JAKMIP1: variants seen among roughly 807,000 people sequenced by gnomAD.
JAKMIP1 encodes janus kinase and microtubule-interacting protein 1.
A neutral mutation model predicts 113.0 loss-of-function variants in JAKMIP1; 33 were observed. The ratio of observed to expected loss-of-function variants is 0.29; its 90% confidence interval spans 0.22 to 0.39. The LOEUF is 0.39. Among genes scored for constraint, JAKMIP1 ranks in the 10% least tolerant of loss-of-function variants. JAKMIP1 has a pLI of 1.00. For synonymous variants in JAKMIP1, 480 were observed against 459.9 expected (o/e 1.04, Z -0.56); for missense variants, 813 against 1,080.5 (o/e 0.75, Z 3.47).
chr4:6,033,390 G>C (rs1187297685), intron 19 of JAKMIP1, among the ~76,000 whole-genome samples: 1 of 152,182 alleles, frequency 6.6e-6, no homozygotes, highest in Non-Finnish European at 1.5e-5. Context: ...TTGAATACAT[G>C]AGTGTTAGGG....
chr4:6,177,943 C>T (rs896923799), intron 1 of JAKMIP1, among the ~76,000 whole-genome samples: 1 of 152,210 alleles, frequency 6.6e-6, no homozygotes, highest in Non-Finnish European at 1.5e-5. Flanking sequence ...GTGAGATTAA[C>T]CCTAACCACT....
intron 9 of JAKMIP1, among the ~76,000 whole-genome samples, chr4:6,063,272 G>A (rs1717574238): frequency 6.6e-6 from 1 of 152,238 alleles, no homozygotes; most frequent in Non-Finnish European, 1.5e-5. Context: ...CCATGGGAAA[G>A]CCCCACATGG....
At position 6,116,112 on chromosome 4, in the gene JAKMIP1, G is replaced by A. The variant is rs1715732900; in HGVS notation, c.-147-3115C>T. 6.6e-6 allele frequency among the ~76,000 whole-genome samples: 1 copy of A among 152,096 alleles called. No individual in the cohort carries two copies. The highest frequency in any genetic ancestry group is 1.5e-5 in the Non-Finnish European group (1 of 68,010). On this transcript the variant is annotated intron_variant, in intron 1 of 20. Coordinates refer to ENST00000409021, the MANE Select transcript of JAKMIP1 (RefSeq NM_001099433.2). This position sits in a 1 kb window ranked among gnomAD's most constrained non-coding sequence, Gnocchi z 5.1. ...TGGAGACGAATGGAGTGCAGGAGGG[G>A]AAGATGTCCAAAGTTCTGGGCCAAG...
In JAKMIP1 at chr4:6,061,487, C is replaced by T. The variant is rs564447560; in HGVS notation, c.1560+825G>A. 7.6e-4 allele frequency among the ~76,000 whole-genome samples: 115 copies of T among 152,308 alleles called. No individual in the cohort carries two copies. The highest frequency in any genetic ancestry group is 2.7e-3 in the African/African-American group (113 of 41,548). ...TTCTGGCCCATCGCCTTTAAGACTA[C>T]CAAAATCCATCCATTTGTGGAATTC... On this transcript the variant is annotated intron_variant, in intron 10 of 20. Transcript: ENST00000409021. This position sits in a 1 kb window ranked among gnomAD's most constrained non-coding sequence, Gnocchi z 5.3.
chr4:6,108,000 G>T (rs934923679), intron 2 of JAKMIP1, among the ~76,000 whole-genome samples: 4 of 152,154 alleles, frequency 2.6e-5, no homozygotes, highest in African/African-American at 9.7e-5. Context: ...AGGTAGAAAG[G>T]GGGTGAGGAA....
intron 11 of JAKMIP1, among the ~76,000 whole-genome samples, chr4:6,057,057 C>A (rs1403713033): frequency 2.6e-5 from 4 of 152,174 alleles, no homozygotes; most frequent in Admixed American, 1.3e-4. Context: ...ACTGGCAGAC[C>A]CTCCACGCAT....
Position 6,156,393 on chromosome 4 carries a change from T to A in JAKMIP1, c.-147-43396A>T, listed in dbSNP as rs971756633. On this transcript the variant is annotated intron_variant, in intron 1 of 20. Coordinates refer to ENST00000409021, the MANE Select transcript of JAKMIP1 (RefSeq NM_001099433.2). The surrounding 1 kb of genome is among the most constrained non-coding windows in gnomAD (Gnocchi z 5.0). The stretch of plus-strand genomic sequence containing the variant: ...ACAAAAATAATGATGCATGTCCCAA[T>A]TGACAGCAGCTTAGATTTAATAAAA... Among the ~76,000 whole-genome samples the A allele has an allele frequency of 6.6e-6, 1 of 152,250 alleles. No homozygotes were observed. The highest frequency in any genetic ancestry group is 2.1e-4 in the South Asian group (1 of 4,828).
chr4:6,085,024 T>C, intron 4 of JAKMIP1, 59 bp from the exon 5 acceptor site: 1 of 1,514,376 alleles, frequency 6.6e-7, no homozygotes, highest in Non-Finnish European at 8.8e-7. Flanking sequence ...TTGAAGAAGT[T>C]GTGTGGAGCC....
At chr4:6,182,453 G>GA (rs200074773) in intron 1 of JAKMIP1, among the ~76,000 whole-genome samples, 22 of 148,294 alleles carry the variant, frequency 1.5e-4, no homozygotes, top group Admixed American at 1.3e-3. Context: ...GAAAAGAAAA[G>GA]AAAAAAAGGA....
At chr4:6,054,823 C>A (rs755240812) in intron 12 of JAKMIP1, 3 of 456,708 alleles carry the variant, frequency 6.6e-6, no homozygotes, top group South Asian at 4.6e-5. Context: ...CGCATGTACA[C>A]GAGGGCTTTG....
intron 1 of JAKMIP1, among the ~76,000 whole-genome samples, chr4:6,160,750 T>A (rs1328168596): frequency 6.6e-6 from 1 of 152,178 alleles, no homozygotes; most frequent in African/African-American, 2.4e-5. Flanking sequence ...ACCCGTCGTC[T>A]GAAGTCTGCA....
Position 6,139,362 on chromosome 4 carries a change from C to T in JAKMIP1, c.-147-26365G>A, listed in dbSNP as rs569675526. Among the ~76,000 whole-genome samples the T allele has an allele frequency of 3.2e-4, 49 of 152,224 alleles. No individual in the cohort carries two copies. Among genetic ancestry groups the T allele is most frequent in the South Asian group, 1.9e-3 (9 of 4,816 alleles). On this transcript the variant is annotated intron_variant, in intron 1 of 20. Coordinates refer to ENST00000409021, the MANE Select transcript of JAKMIP1 (RefSeq NM_001099433.2). This position sits in a 1 kb window ranked among gnomAD's most constrained non-coding sequence, Gnocchi z 5.2. ...AAATTCATACGCTGAGGTCCTAACC[C>T]CCAGTACCCTCAGAGGTGGTCTTAT... is the stretch of plus-strand genomic sequence containing the variant.
intron 1 of JAKMIP1, among the ~76,000 whole-genome samples, chr4:6,152,799 TATATATATATAC>T (rs925714412): frequency 8.3e-6 from 1 of 121,026 alleles, no homozygotes; most frequent in Admixed American, 8.6e-5. Flanking sequence ...AATATATATA[TATATATATATAC>T]ATATATATAT....
intron 1 of JAKMIP1, among the ~76,000 whole-genome samples, chr4:6,191,002 G>A (rs1727197346): frequency 6.6e-6 from 1 of 152,222 alleles, no homozygotes; most frequent in South Asian, 2.1e-4. Flanking sequence ...GCAGTTCCAG[G>A]ATGGGGACAA....
chr4:6,151,604 G>A (rs557955002), intron 1 of JAKMIP1, among the ~76,000 whole-genome samples: 1 of 152,150 alleles, frequency 6.6e-6, no homozygotes, highest in Non-Finnish European at 1.5e-5. Flanking sequence ...TCACAGCACT[G>A]TGACCTTCAC....
intron 12 of JAKMIP1, chr4:6,054,785 T>C (rs1042649822): frequency 4.4e-6 from 2 of 456,624 alleles, no homozygotes; most frequent in African/African-American, 4.0e-5. Context: ...ACCCATCGCC[T>C]GGCAGCAGCG....
intron 1 of JAKMIP1, among the ~76,000 whole-genome samples, chr4:6,171,382 ACCAC>A (rs1446415184): frequency 7.1e-6 from 1 of 140,628 alleles, no homozygotes. Flanking sequence ...TACCACCATC[ACCAC>A]CATCACCATT....
rs149417584 is a variant in JAKMIP1, at chr4:6,186,098, C to A, written c.-148+14155G>T. Among the ~76,000 whole-genome samples, 1 of 152,026 alleles carries A rather than the reference C, an allele frequency of 6.6e-6. No homozygotes were observed. The highest frequency in any genetic ancestry group is 1.5e-5 in the Non-Finnish European group (1 of 68,012). On this transcript the variant is annotated intron_variant, in intron 1 of 20. Coordinates refer to ENST00000409021, the MANE Select transcript of JAKMIP1 (RefSeq NM_001099433.2). The surrounding 1 kb of genome is among the most constrained non-coding windows in gnomAD (Gnocchi z 5.5). ...TGGCTAGGGGCTACAGGAAGGAGAA[C>A]GAACAAGTTGTGGTGAGAATTACAC...
intron 8 of JAKMIP1, among the ~76,000 whole-genome samples, chr4:6,071,291 C>A (rs948940071): frequency 6.6e-6 from 1 of 151,946 alleles, no homozygotes; most frequent in Non-Finnish European, 1.5e-5. Flanking sequence ...CTGGGCCTGG[C>A]CCCAGGCAGT....
Sources: allele counts gnomAD v4.1 joint callset (sites outside exome capture counted in the v4.1 genomes callset), GRCh38; gene constraint gnomAD v4.1.1; non-coding constraint Gnocchi (gnomAD v3.1); transcripts MANE v1.5; gene names NCBI Gene and HGNC (gene_info 2026-07-23, HGNC 2026-07-21).